Variants in NBAS observed in about 807,000 individuals in gnomAD.
The protein encoded by NBAS is NBAS subunit of NRZ tethering complex.
Under a neutral mutation model 302.5 loss-of-function variants are expected in NBAS, and 219 were observed. The ratio of observed to expected loss-of-function variants is 0.72; its 90% CI spans 0.65 to 0.81. The LOEUF is 0.81. Among genes scored for constraint, NBAS ranks in the 30% least tolerant of loss-of-function variants. The probability of loss-of-function intolerance (pLI) is 0.00; values close to 1 mark genes in which losing one functional copy is unlikely to be tolerated. For synonymous variants in NBAS, 1,118 were observed against 1,021.6 expected, an observed-to-expected ratio of 1.09 and a Z score of -1.80; for missense variants, 2,932 against 2,841.6, an observed-to-expected ratio of 1.03 and a Z score of -0.72.
At chr2:15,478,432 CCAT>C (rs1409404854) in intron 12 of NBAS, 143 bp from the exon 13 acceptor site, 99 of 689,220 alleles carry the variant, frequency 1.4e-4, no homozygotes, top group Non-Finnish European at 7.6e-5. Context: ...CTATTTATTG[CCAT>C]GATAGTCTGG....
At chr2:15,445,206 G>A (rs1348247002) in intron 21 of NBAS, among the ~76,000 whole-genome samples, 85 of 150,614 alleles carry the variant, frequency 5.6e-4, no homozygotes, top group African/African-American at 2.0e-3. Context: ...ACATGCACAT[G>A]TATGTTTATT....
the NBAS span, among the ~76,000 whole-genome samples, chr2:15,106,616 C>A: frequency 6.6e-6 from 1 of 152,132 alleles, no homozygotes; most frequent in Non-Finnish European, 1.5e-5. Flanking sequence ...CTGTCTCCTT[C>A]ACAATTAATC....
intron 25 of NBAS, among the ~76,000 whole-genome samples, chr2:15,406,116 C>CAAA (rs772651880): frequency 7.4e-6 from 1 of 134,528 alleles, no homozygotes; most frequent in Non-Finnish European, 1.6e-5. Context: ...AAAAAAAAAA[C>CAAA]AAAACAAAAA....
the NBAS span, among the ~76,000 whole-genome samples, chr2:15,099,962 A>ACTT: frequency 6.6e-6 from 1 of 152,248 alleles, no homozygotes; most frequent in African/African-American, 2.4e-5. Flanking sequence ...GACTATTAGA[A>ACTT]CACATGTAGT....
chr2:14,793,700 T>A, the NBAS span, among the ~76,000 whole-genome samples: 1 of 152,126 alleles, frequency 6.6e-6, no homozygotes, highest in African/African-American at 2.4e-5. Context: ...GTCATACTTC[T>A]ATACATTCAA....
At chr2:15,278,826 A>AATGATAAT (rs1273119668) in intron 42 of NBAS, among the ~76,000 whole-genome samples, 1 of 152,220 alleles carries the variant, frequency 6.6e-6, no homozygotes, top group Non-Finnish European at 1.5e-5. Flanking sequence ...TGTAGAAATC[A>AATGATAAT]ATGATAATGG....
intron 37 of NBAS, 29 bp downstream of exon 37, chr2:15,328,170 A>G (rs1672162249): frequency 6.3e-7 from 1 of 1,592,200 alleles, no homozygotes. Context: ...TGACAGTTAA[A>G]TCTATCTTCC....
rs11411624 is a variant in NBAS, at chr2:15,461,163, A to AT, written c.2339+37_2339+38insA. 0.65 allele frequency: 1,025,869 copies of AT among 1,583,052 alleles called. 338,350 individuals carry two copies. The highest frequency in any genetic ancestry group is 0.68 in the Non-Finnish European group (780,838 of 1,153,276). On this transcript the variant is annotated intron_variant, in intron 21 of 51. Transcript: ENST00000281513. ...AGCATGACAAAAAAATTATCAATAT[A>AT]AAAAAGAAGGTAAAATTCTGTTAAC...
At chr2:15,140,406 T>C in the NBAS span, among the ~76,000 whole-genome samples, 1 of 152,326 alleles carries the variant, frequency 6.6e-6, no homozygotes, top group Admixed American at 6.5e-5. Context: ...GGGTGGTTTG[T>C]AGGAAAAGTG....
At position 15,536,493 on chromosome 2, in the gene NBAS, T is replaced by C. The variant is rs778502439; in HGVS notation, c.572A>G (p.Tyr191Cys). 1 of 1,613,288 alleles carries C rather than the reference T, an allele frequency of 6.2e-7. No homozygotes were observed. The highest frequency in any genetic ancestry group is 1.1e-5 in the South Asian group (1 of 91,082). ...TGCAGACCACTGTGCACTTGCTTTA[T>C]ATTCTAAAAATATCAACCCAGCAAT... The part of the protein sequence containing the change: ...YAIAGLIFLE[Y>C]KASAQWSAEL... The change falls in exon 8 of 52, where the codon TAT (tyrosine) becomes TGT (cysteine). Residue 191 changes from tyrosine (Y) to cysteine (C), a missense_variant. Coordinates refer to ENST00000281513, the MANE Select transcript of NBAS (RefSeq NM_015909.4).
intron 38 of NBAS, among the ~76,000 whole-genome samples, chr2:15,313,356 T>G (rs932302624): frequency 6.6e-6 from 1 of 152,238 alleles, no homozygotes; most frequent in Non-Finnish European, 1.5e-5. Flanking sequence ...CTTAGCTCTA[T>G]GTGTCTCAAA....
At chr2:14,798,706 A>G in the NBAS span, among the ~76,000 whole-genome samples, 1 of 152,062 alleles carries the variant, frequency 6.6e-6, no homozygotes, top group Non-Finnish European at 1.5e-5. Flanking sequence ...TCTGGAGTCT[A>G]GTTTTCTTTG....
chr2:15,246,615 T>A (rs748092874), intron 44 of NBAS, among the ~76,000 whole-genome samples: 6 of 152,130 alleles, frequency 3.9e-5, no homozygotes, highest in Non-Finnish European at 5.9e-5. Context: ...CTAGGAGACA[T>A]TTAAAAAGGA....
chr2:15,124,570 A>G, the NBAS span, among the ~76,000 whole-genome samples: 1 of 152,190 alleles, frequency 6.6e-6, no homozygotes. Context: ...GATTTCTAAC[A>G]CAGCTCCTCC....
intron 1 of NBAS, 39 bp from the exon 2 acceptor site, chr2:15,558,673 C>CT: frequency 6.8e-7 from 1 of 1,471,712 alleles, no homozygotes; most frequent in Non-Finnish European, 9.5e-7. Context: ...TTTGAATCTT[C>CT]TAGTAGTATT....
chr2:14,841,556 A>G, the NBAS span, among the ~76,000 whole-genome samples: 1 of 151,860 alleles, frequency 6.6e-6, no homozygotes, highest in East Asian at 1.9e-4. Context: ...TAGACTACAA[A>G]TAAAAGACTG....
At chr2:15,292,864 T>A in intron 40 of NBAS, 98 bp from the exon 41 acceptor site, 1 of 1,220,384 alleles carries the variant, frequency 8.2e-7, no homozygotes, top group East Asian at 2.4e-5. Context: ...AAGGAACTGT[T>A]TGGCCCTGTA....
At chr2:15,413,733 G>A (rs898242567) in intron 25 of NBAS, among the ~76,000 whole-genome samples, 1 of 152,086 alleles carries the variant, frequency 6.6e-6, no homozygotes, top group Non-Finnish European at 1.5e-5. Flanking sequence ...TGTCAGCAAC[G>A]GTCAGTCACT....
intron 3 of NBAS, among the ~76,000 whole-genome samples, chr2:15,554,434 C>G (rs1490288414): frequency 3.3e-5 from 5 of 151,730 alleles, no homozygotes; most frequent in South Asian, 4.2e-4. Flanking sequence ...TTATACCAAC[C>G]CTTTCTGCTC....
Sources: gnomAD v4.1 joint callset for allele counts (sites outside exome capture counted in the v4.1 genomes callset) on GRCh38, gnomAD v4.1.1 for gene constraint, MANE v1.5 for transcripts, NCBI Gene and HGNC (gene_info 2026-07-23, HGNC 2026-07-21) for gene names.